The following EYS variants were observed in gnomAD, a reference collection of about 807,000 sequenced individuals.
The protein encoded by EYS is protein eyes shut homolog.
In EYS, 250 loss-of-function variants were observed where a neutral mutation model predicts 282.1. That is an observed-to-expected ratio of 0.89 (90% CI 0.80 to 0.98). The LOEUF (loss-of-function observed/expected upper bound fraction) is 0.98, where lower values mean the gene tolerates loss of function less well. Ranked by LOEUF, EYS falls within the 50% of genes least tolerant of loss-of-function variation. The probability of loss-of-function intolerance (pLI) is 0.00; values close to 1 mark genes in which losing one functional copy is unlikely to be tolerated. For missense variants in EYS, 4,016 were observed against 3,709.0 expected, an observed-to-expected ratio of 1.08 and a Z score of -2.15; for synonymous variants, 1,355 against 1,282.9, an observed-to-expected ratio of 1.06 and a Z score of -1.20.
chr6:64,410,189 C>A (rs534642544), intron 28 of EYS, among the ~76,000 whole-genome samples: 1 of 152,172 alleles, frequency 6.6e-6, no homozygotes, highest in East Asian at 1.9e-4. Context: ...AGGGTCCTGG[C>A]TAACATTTTA....
rs189403114 is a variant in EYS at position 64,897,015 on chromosome 6, G to A, written c.2846+5098C>T. 1.3e-3 allele frequency among the ~76,000 whole-genome samples: 204 copies of A among 152,282 alleles called. 2 individuals carry two copies. Among genetic ancestry groups the A allele is most frequent in the African/African-American group, 4.4e-3 (182 of 41,572 alleles). On this transcript the variant is annotated intron_variant, in intron 18 of 42. Transcript: ENST00000503581. ...GGACAGAGCACCTGAGGGAAGGGGCGGCTGTTGGCACAGCTTGAGCAGACT... is the reference window on the plus strand; with the variant it reads ...GGACAGAGCACCTGAGGGAAGGGGCAGCTGTTGGCACAGCTTGAGCAGACT...
intron 35 of EYS, among the ~76,000 whole-genome samples, chr6:63,955,942 A>G (rs1765798424): frequency 6.6e-6 from 1 of 152,124 alleles, no homozygotes; most frequent in South Asian, 2.1e-4. Flanking sequence ...CTATATGACA[A>G]ATGTTTCTTC....
intron 30 of EYS, among the ~76,000 whole-genome samples, chr6:64,251,642 G>T (rs1767221360): frequency 6.6e-6 from 1 of 152,000 alleles, no homozygotes; most frequent in South Asian, 2.1e-4. Context: ...TCTCTTATTT[G>T]TTTTACTATA....
At chr6:64,430,281 C>T (rs1180030852) in intron 28 of EYS, among the ~76,000 whole-genome samples, 1 of 152,120 alleles carries the variant, frequency 6.6e-6, no homozygotes, top group Admixed American at 6.6e-5. Flanking sequence ...TTCTACCACT[C>T]AAACACATAA....
chr6:64,862,827 A>G (rs963833771), intron 19 of EYS, among the ~76,000 whole-genome samples: 1 of 152,144 alleles, frequency 6.6e-6, no homozygotes, highest in Non-Finnish European at 1.5e-5. Context: ...TAAGAAATCA[A>G]AGTTAATTCT....
intron 5 of EYS, among the ~76,000 whole-genome samples, chr6:65,418,052 T>C (rs1374862050): frequency 2.0e-5 from 3 of 151,828 alleles, no homozygotes; most frequent in African/African-American, 7.3e-5. Flanking sequence ...ATGAGAATGG[T>C]GTGGTAGAAT....
In EYS at chr6:64,026,130, C is replaced by T. The variant is rs557037518; in HGVS notation, c.6726-26947G>A. Reference sequence around the variant, plus strand: ...TATTCTGATCAGTAGGGTCAGGGACCGTTGTGGGTTCTGGGGCAGGGGTTG... The same window carrying T: ...TATTCTGATCAGTAGGGTCAGGGACTGTTGTGGGTTCTGGGGCAGGGGTTG... On this transcript the variant is annotated intron_variant, in intron 33 of 42. Coordinates refer to ENST00000503581, the MANE Select transcript of EYS (RefSeq NM_001142800.2). Among the ~76,000 whole-genome samples, 434 of 152,204 alleles carry T rather than the reference C, an allele frequency of 2.9e-3. 4 individuals carry two copies. The highest frequency in any genetic ancestry group is 9.9e-3 in the African/African-American group (409 of 41,518).
At chr6:63,813,382 T>G (rs1771096720) in intron 36 of EYS, among the ~76,000 whole-genome samples, 1 of 152,256 alleles carries the variant, frequency 6.6e-6, no homozygotes, top group Admixed American at 6.5e-5. Flanking sequence ...AAATAATGTC[T>G]TCTTTAATTT....
intron 1 of EYS, among the ~76,000 whole-genome samples, chr6:65,660,151 C>T (rs1767955643): frequency 6.6e-6 from 1 of 151,682 alleles, no homozygotes; most frequent in Admixed American, 6.6e-5. Context: ...ACCTTTTGAG[C>T]ATTGAGTCCT....
chr6:63,722,187 T>C (rs1768425406), intron 42 of EYS, among the ~76,000 whole-genome samples: 2 of 152,144 alleles, frequency 1.3e-5, no homozygotes, highest in African/African-American at 4.8e-5. Flanking sequence ...CTCTCCAACC[T>C]TACCTGGAAT....
At chr6:64,572,219 T>A (rs936780371) in intron 26 of EYS, among the ~76,000 whole-genome samples, 2 of 152,150 alleles carry the variant, frequency 1.3e-5, no homozygotes, top group African/African-American at 4.8e-5. Context: ...ACGATAAAAT[T>A]CAACACCACT....
At chr6:64,321,050 T>G (rs1434196315) in intron 29 of EYS, among the ~76,000 whole-genome samples, 5 of 151,838 alleles carry the variant, frequency 3.3e-5, no homozygotes, top group Non-Finnish European at 7.4e-5. Context: ...AAATTTATTC[T>G]GTTATTGACT....
intron 12 of EYS, among the ~76,000 whole-genome samples, chr6:65,133,232 C>A (rs538984587): frequency 2.6e-5 from 4 of 151,022 alleles, no homozygotes; most frequent in Admixed American, 6.6e-5. Context: ...TTTGAAACAA[C>A]AAAAAAAAGT....
At chr6:64,609,270 G>A (rs903069652) in intron 24 of EYS, among the ~76,000 whole-genome samples, 22 of 152,150 alleles carry the variant, frequency 1.4e-4, no homozygotes, top group African/African-American at 4.8e-4. Flanking sequence ...GTATTATGAG[G>A]TTTACCTGAA....
At chr6:64,880,361 C>G (rs970992251) in intron 19 of EYS, among the ~76,000 whole-genome samples, 2 of 151,600 alleles carry the variant, frequency 1.3e-5, no homozygotes, top group African/African-American at 4.8e-5. Context: ...TTCTAATGTC[C>G]CATAGACATA....
chr6:64,984,780 G>A (rs1010868716), intron 14 of EYS, among the ~76,000 whole-genome samples: 1 of 151,386 alleles, frequency 6.6e-6, no homozygotes, highest in African/African-American at 2.4e-5. Flanking sequence ...TCTGTGATAC[G>A]ATCCAGGTTT....
chr6:64,630,521 T>G (rs1465317395), intron 22 of EYS, among the ~76,000 whole-genome samples: 2 of 152,220 alleles, frequency 1.3e-5, no homozygotes, highest in African/African-American at 2.4e-5. Flanking sequence ...TCATATTGAT[T>G]AAATGATACA....
chr6:65,330,330 T>C (rs1769749628), intron 11 of EYS: 2 of 979,286 alleles, frequency 2.0e-6, no homozygotes, highest in African/African-American at 3.5e-5. Context: ...CAAGTAGGGA[T>C]TGGTGACTTA....
chr6:65,643,576 G>A (rs1306442143), intron 1 of EYS, among the ~76,000 whole-genome samples: 1 of 152,180 alleles, frequency 6.6e-6, no homozygotes, highest in Non-Finnish European at 1.5e-5. Flanking sequence ...TAGTACCACA[G>A]CTGATGCACT....
Sources: gnomAD v4.1 joint callset for allele counts (sites outside exome capture counted in the v4.1 genomes callset) on GRCh38, gnomAD v4.1.1 for gene constraint, MANE v1.5 for transcripts, NCBI Gene and HGNC (gene_info 2026-07-23, HGNC 2026-07-21) for gene names.